Variants in POLE2 observed in about 807,000 individuals in gnomAD.
POLE2 encodes DNA polymerase epsilon 2, accessory subunit, also known as DNA polymerase epsilon subunit 2.
In POLE2, 56 loss-of-function variants were observed where a neutral mutation model predicts 79.4. The observed-to-expected ratio is 0.71, with a 90% CI of 0.57 to 0.88. POLE2 has a LOEUF of 0.88. Ranked by LOEUF, POLE2 falls within the 40% of genes least tolerant of loss-of-function variation. The probability of loss-of-function intolerance (pLI) is 0.00; values close to 1 mark genes in which losing one functional copy is unlikely to be tolerated. For synonymous variants in POLE2, 212 were observed against 214.0 expected, an observed-to-expected ratio of 0.99 and a Z score of 0.08; for missense variants, 598 against 638.9, an observed-to-expected ratio of 0.94 and a Z score of 0.69.
intron 10 of POLE2, among the ~76,000 whole-genome samples, chr14:49,661,367 C>T (rs1007226698): frequency 9.9e-5 from 15 of 152,184 alleles, no homozygotes; most frequent in Admixed American, 2.6e-4. Context: ...AGTGGACCAA[C>T]TGGCATTTTC....
At chr14:49,655,902 T>C (rs1249536482) in intron 10 of POLE2, 59 bp from the exon 11 acceptor site, 14 of 874,838 alleles carry the variant, frequency 1.6e-5, no homozygotes, top group Admixed American at 2.5e-5. Flanking sequence ...TTCTAATAGT[T>C]GTATACATTT....
chr14:49,660,097 T>C (rs916477492), intron 10 of POLE2, among the ~76,000 whole-genome samples: 2 of 152,212 alleles, frequency 1.3e-5, no homozygotes, highest in Non-Finnish European at 1.5e-5. Context: ...ACCAATTTTA[T>C]ATTTTATACC....
At chr14:49,664,192 A>G (rs1885304245) in intron 9 of POLE2, among the ~76,000 whole-genome samples, 4 of 152,120 alleles carry the variant, frequency 2.6e-5, no homozygotes, top group Admixed American at 2.0e-4. Flanking sequence ...CTACTAAAAT[A>G]CAAAAAATTA....
Position 49,661,964 on chromosome 14 carries a change from C to A in POLE2, c.755+1351G>T, listed in dbSNP as rs527636761. ...TAAAGAGAAACAAATGGTAAACTCA[C>A]AGCCAGCCAACTCAACTATACCTCT... On this transcript the variant is annotated intron_variant, in intron 10 of 18. Transcript: ENST00000216367. Among the ~76,000 whole-genome samples, 226 of 152,268 alleles carry A rather than the reference C, an allele frequency of 1.5e-3. 1 individual carries two copies. The highest frequency in any genetic ancestry group is 5.2e-3 in the African/African-American group (215 of 41,546).
intron 10 of POLE2, among the ~76,000 whole-genome samples, chr14:49,656,151 C>T (rs1042643346): frequency 1.3e-5 from 2 of 152,076 alleles, no homozygotes; most frequent in Non-Finnish European, 2.9e-5. Context: ...GTCAGGAGAT[C>T]GAGACCATCC....
At chr14:49,679,835 CA>C (rs376413453) in intron 2 of POLE2, 35 bp from the exon 3 acceptor site, 43,544 of 816,632 alleles carry the variant, frequency 0.053, 5 homozygotes, top group South Asian at 0.087. Context: ...AATTTAAAAA[CA>C]AAAAAAAAAA....
chr14:49,664,876 G>T (rs1474251460), intron 8 of POLE2, among the ~76,000 whole-genome samples: 1 of 152,054 alleles, frequency 6.6e-6, no homozygotes, highest in Non-Finnish European at 1.5e-5. Context: ...TGACAGGGTG[G>T]ATCATTCTTA....
intron 6 of POLE2, 150 bp downstream of exon 6, chr14:49,669,374 A>G: frequency 1.7e-6 from 1 of 574,454 alleles, no homozygotes; most frequent in South Asian, 2.1e-5. Context: ...CTAGGAATGG[A>G]CTGTATCAAA....
chr14:49,651,668 T>C (rs929461733), intron 15 of POLE2, among the ~76,000 whole-genome samples: 3 of 152,080 alleles, frequency 2.0e-5, no homozygotes, highest in Non-Finnish European at 4.4e-5. Flanking sequence ...CATAATCATA[T>C]AGTATGTTTT....
At chr14:49,656,405 C>A (rs1292048789) in intron 10 of POLE2, among the ~76,000 whole-genome samples, 1 of 151,710 alleles carries the variant, frequency 6.6e-6, no homozygotes, top group Non-Finnish European at 1.5e-5. Context: ...TAATAATTTC[C>A]TATGTCACTG....
chr14:49,679,635 T>A, intron 3 of POLE2, 90 bp downstream of exon 3: 2 of 691,618 alleles, frequency 2.9e-6, no homozygotes, highest in South Asian at 3.4e-5. Context: ...TGTAGAAACG[T>A]TGATCACTAA....
At chr14:49,663,271 G>C (rs1885214978) in intron 10 of POLE2, 44 bp downstream of exon 10, 2 of 969,096 alleles carry the variant, frequency 2.1e-6, no homozygotes, top group South Asian at 1.9e-5. Flanking sequence ...ACTCCTGCCA[G>C]TATTACCAAA....
intron 5 of POLE2, 107 bp from the exon 6 acceptor site, chr14:49,669,705 T>C: frequency 6.5e-6 from 4 of 618,634 alleles, no homozygotes; most frequent in Non-Finnish European, 8.7e-6. Flanking sequence ...ATGTCACTAT[T>C]ACTTATTCTC....
chr14:49,660,657 C>T (rs35129708), intron 10 of POLE2, among the ~76,000 whole-genome samples: 33,603 of 151,958 alleles, frequency 0.22, 3,968 homozygotes, highest in Admixed American at 0.3. Flanking sequence ...TCTGGGAGGC[C>T]GAGGCCAGTG....
chr14:49,644,511 C>CAA (rs34511706), intron 18 of POLE2, among the ~76,000 whole-genome samples: 30 of 129,438 alleles, frequency 2.3e-4, no homozygotes, highest in South Asian at 5.2e-4. Flanking sequence ...ACTCCGTCTC[C>CAA]AAAAAAAAAA....
intron 2 of POLE2, among the ~76,000 whole-genome samples, chr14:49,680,470 A>G (rs976191392): frequency 6.6e-6 from 1 of 152,242 alleles, no homozygotes; most frequent in African/African-American, 2.4e-5. Flanking sequence ...GCTACCACTT[A>G]TTAAGCATTG....
rs188958166 is a variant in POLE2 at position 49,678,393 on chromosome 14, G to A, written c.245+1332C>T. On this transcript the variant is annotated intron_variant, in intron 3 of 18. Coordinates refer to ENST00000216367, the MANE Select transcript of POLE2 (RefSeq NM_002692.4). ...AATAGGGGTTGGGAAAAGGAAAACT[G>A]ATGCGATATGGTACATGGCTCTGTG... Among the ~76,000 whole-genome samples, 709 of 152,166 alleles carry A rather than the reference G, an allele frequency of 4.7e-3. 6 individuals carry two copies. Among genetic ancestry groups the A allele is most frequent in the Non-Finnish European group, 8.6e-3 (583 of 68,004 alleles).
At chr14:49,685,255 T>C (rs1281305742) in intron 1 of POLE2, among the ~76,000 whole-genome samples, 1 of 152,168 alleles carries the variant, frequency 6.6e-6, no homozygotes, top group Non-Finnish European at 1.5e-5. Context: ...ATTAGTTGTT[T>C]TGTGTGTAGG....
At chr14:49,653,118 T>C (rs1228702224) in intron 15 of POLE2, among the ~76,000 whole-genome samples, 1 of 152,094 alleles carries the variant, frequency 6.6e-6, no homozygotes, top group Non-Finnish European at 1.5e-5. Context: ...GGGACACTCG[T>C]GGGGAGGAAG....
Sources: gnomAD v4.1 joint callset for allele counts (sites outside exome capture counted in the v4.1 genomes callset) on GRCh38, gnomAD v4.1.1 for gene constraint, MANE v1.5 for transcripts, NCBI Gene and HGNC (gene_info 2026-07-23, HGNC 2026-07-21) for gene names.